KCTD1: variants seen among roughly 807,000 people sequenced by gnomAD.
The protein encoded by KCTD1 is potassium channel tetramerization domain containing 1, also known as BTB/POZ domain-containing protein KCTD1.
In KCTD1, 24 loss-of-function variants were observed where a neutral mutation model predicts 66.0. That is an observed-to-expected ratio of 0.36 (90% CI 0.26 to 0.51). KCTD1 has a LOEUF of 0.51. Among genes scored for constraint, KCTD1 ranks in the 20% least tolerant of loss-of-function variants. The probability of loss-of-function intolerance (pLI) is 0.95; values close to 1 mark genes in which losing one functional copy is unlikely to be tolerated. For synonymous variants in KCTD1, 511 were observed against 517.2 expected (o/e 0.99, Z 0.16); for missense variants, 943 against 1,205.2 (o/e 0.78, Z 3.22).
chr18:26,579,003 G>A (rs1222352413), intron 1 of KCTD1, among the ~76,000 whole-genome samples: 1 of 152,002 alleles, frequency 6.6e-6, no homozygotes, highest in African/African-American at 2.4e-5. Context: ...CTTATTTTAT[G>A]TATCCCATAT....
At chr18:26,550,613 T>C (rs1457751298), upstream of KCTD1, among the ~76,000 whole-genome samples, 4 of 124,134 alleles carry the variant, frequency 3.2e-5, no homozygotes, top group Non-Finnish European at 5.2e-5. The surrounding 1 kb of genome is among the most constrained non-coding windows in gnomAD (Gnocchi z 5.4). Flanking sequence ...CACCACGCTC[T>C]CATCCGCCCG....
chr18:26,582,691 C>T (rs943983162), intron 1 of KCTD1, among the ~76,000 whole-genome samples: 9 of 152,116 alleles, frequency 5.9e-5, no homozygotes, highest in African/African-American at 2.2e-4. Flanking sequence ...CTGCAAGATA[C>T]CATGCACCTC....
rs1012537306 is a variant in KCTD1, at chr18:26,468,560, G to A, written c.2133+7955C>T. The stretch of plus-strand genomic sequence containing the variant: ...AAAAAACCATGTCCTGGCCGGGCGC[G>A]GTGGCTCACACCTATAATCCCAACA... On this transcript the variant is annotated intron_variant, in intron 3 of 4. Transcript: ENST00000580059. This position sits in a 1 kb window ranked among gnomAD's most constrained non-coding sequence, Gnocchi z 4.8. Among the ~76,000 whole-genome samples, 2 of 152,170 alleles carry A rather than the reference G, an allele frequency of 1.3e-5. No homozygotes were observed. Among genetic ancestry groups the A allele is most frequent in the Non-Finnish European group, 2.9e-5 (2 of 68,038 alleles).
At chr18:26,511,601 T>C (rs1983335663) in intron 1 of KCTD1, among the ~76,000 whole-genome samples, 1 of 152,248 alleles carries the variant, frequency 6.6e-6, no homozygotes, top group African/African-American at 2.4e-5. Context: ...CTGCACAATG[T>C]TAGGTATTAT....
At chr18:26,491,774 G>A (rs576151013) in intron 2 of KCTD1, among the ~76,000 whole-genome samples, 8 of 152,314 alleles carry the variant, frequency 5.3e-5, no homozygotes, top group East Asian at 1.9e-4. Context: ...GGAATAAGGT[G>A]AAGGCTGCCT....
chr18:26,549,174 C>G, upstream of KCTD1: 1 of 985,636 alleles, frequency 1.0e-6, no homozygotes, highest in Non-Finnish European at 1.2e-6. Context: ...TCGGCGCCCG[C>G]GGCCAGGGCG....
chr18:26,629,103 C>T, intron 1 of KCTD1: 2 of 917,866 alleles, frequency 2.2e-6, no homozygotes, highest in South Asian at 1.0e-4. Flanking sequence ...GGCAACAAAT[C>T]TACAACAAAT....
At chr18:26,552,993 T>TC (rs1343636260), upstream of KCTD1, among the ~76,000 whole-genome samples, 13 of 151,236 alleles carry the variant, frequency 8.6e-5, no homozygotes, top group African/African-American at 3.2e-4. Flanking sequence ...CTTTCTTTTT[T>TC]TTTTTTTTTT....
At chr18:26,593,492 G>C (rs200963729) in intron 1 of KCTD1, among the ~76,000 whole-genome samples, 147 of 87,844 alleles carry the variant, frequency 1.7e-3, no homozygotes, top group East Asian at 2.3e-3. Flanking sequence ...AAGAAGACAA[G>C]GAGGAGGAGG....
At chr18:26,656,400 G>A (rs936602370) in intron 1 of KCTD1, among the ~76,000 whole-genome samples, 3 of 152,210 alleles carry the variant, frequency 2.0e-5, no homozygotes, top group Non-Finnish European at 4.4e-5. Context: ...GAGGTGGGGA[G>A]GAAGAGGAAT....
chr18:26,534,394 A>T (rs1396113766), intron 1 of KCTD1, among the ~76,000 whole-genome samples: 2 of 152,108 alleles, frequency 1.3e-5, no homozygotes, highest in African/African-American at 4.8e-5. Flanking sequence ...TCTCTTGATT[A>T]TCATTATTTT....
upstream of KCTD1, among the ~76,000 whole-genome samples, chr18:26,632,807 C>G (rs1360419420): frequency 6.6e-6 from 1 of 151,966 alleles, no homozygotes; most frequent in Non-Finnish European, 1.5e-5. Context: ...AAAACAACGT[C>G]TGAACAAATG....
chr18:26,456,908 G>C lies in KCTD1; in HGVS notation c.2440-1007C>G, dbSNP rs569788191. 7.4e-5 allele frequency: 11 copies of C among 149,212 alleles called. No individual in the cohort carries two copies. The East Asian group carries it at 1.6e-3, about 21-fold the overall frequency. 9.2% of individuals were successfully genotyped at this position (149,212 alleles called of 1,614,324 possible). Reference sequence around the variant, plus strand: ...ACTTCCACACCACCTTAAAGGCAAAGTGATTCAATCATAACTTAAAAAAAA... The same window carrying C: ...ACTTCCACACCACCTTAAAGGCAAACTGATTCAATCATAACTTAAAAAAAA... On this transcript the variant is annotated intron_variant, in intron 4 of 4. Coordinates refer to ENST00000580059, the MANE Select transcript of KCTD1 (RefSeq NM_001142730.3).
intron 1 of KCTD1, among the ~76,000 whole-genome samples, chr18:26,577,016 T>C (rs1276910946): frequency 1.3e-5 from 2 of 152,226 alleles, no homozygotes; most frequent in African/African-American, 4.8e-5. Context: ...GTTTCTTGAT[T>C]TCTCAGCATT....
intron 1 of KCTD1, among the ~76,000 whole-genome samples, chr18:26,646,607 GA>G (rs989686735): frequency 1.3e-5 from 2 of 151,582 alleles, no homozygotes; most frequent in Admixed American, 6.6e-5. Context: ...ACTGTACAAT[GA>G]AAAAAAAGTG....
intron 1 of KCTD1, among the ~76,000 whole-genome samples, chr18:26,576,410 A>G (rs1986226528): frequency 6.6e-6 from 1 of 152,056 alleles, no homozygotes; most frequent in Non-Finnish European, 1.5e-5. Context: ...TAACACACAT[A>G]TAACTGAATT....
At chr18:26,657,191 G>A (rs1598988851) in intron 1 of KCTD1, among the ~76,000 whole-genome samples, 1 of 151,804 alleles carries the variant, frequency 6.6e-6, no homozygotes, top group South Asian at 2.1e-4. Flanking sequence ...CCCCTGCCCC[G>A]CCGCGGGTCC....
Position 26,534,160 on chromosome 18 carries a change from C to G in KCTD1, c.1809+12568G>C, listed in dbSNP as rs369590507. On this transcript the variant is annotated intron_variant, in intron 1 of 4. Transcript: ENST00000580059. ...TAATTCATTTCAATTTTTTTATTTA[C>G]AGTCTACTTAAAAATATACATAGAA... Among the ~76,000 whole-genome samples, 5 of 151,888 alleles carry G rather than the reference C, an allele frequency of 3.3e-5. No individual in the cohort carries two copies. The East Asian group carries it at 7.7e-4, about 23-fold the overall frequency.
chr18:26,539,214 G>A (rs546554114), intron 1 of KCTD1, among the ~76,000 whole-genome samples: 1 of 152,282 alleles, frequency 6.6e-6, no homozygotes, highest in East Asian at 1.9e-4. Context: ...AGTTGTTAGG[G>A]CTCAAACAAG....
Sources: gnomAD v4.1 joint callset for allele counts (sites outside exome capture counted in the v4.1 genomes callset) on GRCh38, gnomAD v4.1.1 for gene constraint, Gnocchi (gnomAD v3.1) non-coding constraint, MANE v1.5 for transcripts, NCBI Gene and HGNC (gene_info 2026-07-23, HGNC 2026-07-21) for gene names.